Variants in PRLHR observed in about 807,000 individuals in gnomAD.
PRLHR encodes the protein prolactin releasing hormone receptor, also known as prolactin-releasing peptide receptor.
Under a neutral mutation model 9.3 loss-of-function variants are expected in PRLHR, and 10 were observed. The ratio of observed to expected loss-of-function variants is 1.08; its 90% confidence interval spans 0.66 to 1.82. The LOEUF (loss-of-function observed/expected upper bound fraction) is 1.82. PRLHR is among the 40% of genes most tolerant of loss of function. The probability of loss-of-function intolerance (pLI) is 0.00; values close to 1 mark genes in which losing one functional copy is unlikely to be tolerated. For synonymous variants in PRLHR, 261 were observed against 249.3 expected, an observed-to-expected ratio of 1.05 and a Z score of -0.44; for missense variants, 589 against 512.0, an observed-to-expected ratio of 1.15 and a Z score of -1.45.
chr10:118,594,663 G>T lies in PRLHR; in HGVS notation c.582C>A (p.Ala194=). The stretch of plus-strand genomic sequence containing the variant: ...GCTCCACGTGATAGGTGTGCACGGC[G>T]GCGGGCAGCGCCAGCACCGCGGACA... The part of the protein sequence containing the change: ...WALSAVLALP[A]AVHTYHVELK... Residue 194 remains alanine (A), a synonymous_variant, in exon 2 of 2, where the codon GCC becomes GCA. Coordinates refer to ENST00000239032, the MANE Select transcript of PRLHR (RefSeq NM_004248.3). 6.3e-7 allele frequency: 1 copy of T among 1,585,080 alleles called. No individual in the cohort carries two copies. The highest frequency in any genetic ancestry group is 8.6e-7 in the Non-Finnish European group (1 of 1,168,668).
In PRLHR at chr10:118,590,928, G is replaced by A; in HGVS notation, c.*3204C>T. The A allele has an allele frequency of 6.6e-6, 1 of 152,172 alleles. No individual in the cohort carries two copies. The highest frequency in any genetic ancestry group is 1.5e-5 in the Non-Finnish European group (1 of 68,030). The allele number at this position is 152,172 out of a possible 1,614,324, so 9.4% of individuals were successfully genotyped here. A position where few individuals can be genotyped will look rare whatever the true frequency, so the allele number is the denominator to read the frequency against. ...GTCCATGTAAGTGTTTCAAACTTAA[G>A]TTGTAGGCATGACAGAAACCAGTGG... is the stretch of plus-strand genomic sequence containing the variant. On this transcript the variant is annotated 3_prime_UTR_variant, in exon 2 of 2. Transcript: ENST00000239032.
chr10:118,594,560 GC>G lies in PRLHR; in HGVS notation c.684del (p.Leu229CysfsTer22). 2 of 1,562,068 alleles carry G rather than the reference GC, an allele frequency of 1.3e-6. No individual in the cohort carries two copies. Among genetic ancestry groups the G allele is most frequent in the Admixed American group, 1.9e-5 (1 of 53,012 alleles). ...GGGAGCAGGTAGGTGACCAGCAGCA[GC>G]CCCCAGGCGTAGAGCTGGCGCTGGC... ...QERQRQLYAW[G>X]LLLVTYLLPL... is the part of the protein sequence containing the mutation. On this transcript the variant is annotated frameshift_variant, in exon 2 of 2. Coordinates refer to ENST00000239032, the MANE Select transcript of PRLHR (RefSeq NM_004248.3). LOFTEE classifies it low-confidence loss of function (END_TRUNC).
At position 118,591,198 on chromosome 10, in the gene PRLHR, C is replaced by A. The variant is rs1319056750; in HGVS notation, c.*2934G>T. 1 of 152,084 alleles carries A rather than the reference C, an allele frequency of 6.6e-6. No homozygotes were observed. The highest frequency in any genetic ancestry group is 1.5e-5 in the Non-Finnish European group (1 of 68,016). 9.4% of individuals were successfully genotyped at this position (152,084 alleles called of 1,614,324 possible). On this transcript the variant is annotated 3_prime_UTR_variant, in exon 2 of 2. Transcript: ENST00000239032. ...TAGCTCACTGCAGCCCAGTGATCCT[C>A]CCAGGCTCAAGTGATCCTCCTGCCT... is the stretch of plus-strand genomic sequence containing the variant.
At position 118,594,682 on chromosome 10, in the gene PRLHR, G is replaced by T; in HGVS notation, c.563C>A (p.Ala188Glu). 1 of 1,587,552 alleles carries T rather than the reference G, an allele frequency of 6.3e-7. No homozygotes were observed. Residue 188 changes from alanine (A) to glutamate (E), a missense_variant, in exon 2 of 2, where the codon GCG becomes GAG. Transcript: ENST00000239032. ...YAVLAIWALS[A>E]VLALPAAVHT... ...CACGGCGGCGGGCAGCGCCAGCACCGCGGACAGCGCCCAGATGGCCAGCAC... is the reference window on the plus strand; with the variant it reads ...CACGGCGGCGGGCAGCGCCAGCACCTCGGACAGCGCCCAGATGGCCAGCAC...
rs538116106 is a variant in PRLHR, at chr10:118,591,922, C to T, written c.*2210G>A. 7.2e-5 allele frequency: 11 copies of T among 152,256 alleles called. No homozygotes were observed. The highest frequency in any genetic ancestry group is 2.6e-4 in the African/African-American group (11 of 41,544). The allele number at this position is 152,256 out of a possible 1,614,324, so 9.4% of individuals were successfully genotyped here. ...ACGTTGGCCAGGCTGGTCTCAAACT[C>T]CTGACCTTGTGATCTGCCTGCCTCG... is the stretch of plus-strand genomic sequence containing the variant. On this transcript the variant is annotated 3_prime_UTR_variant, in exon 2 of 2. Transcript: ENST00000239032.
In PRLHR at chr10:118,595,281, C is replaced by G. The variant is rs8192520; in HGVS notation, c.-6-31G>C. ...CAAAGGTAATCAAAGTCCGTCACTT[C>G]CCTTGCCATACTCCATCCGACCTCC... On this transcript the variant is annotated intron_variant, in intron 1 of 1. Transcript: ENST00000239032. 16,883 of 1,489,938 alleles carry G rather than the reference C, an allele frequency of 0.011. 130 individuals carry two copies. Among genetic ancestry groups the G allele is most frequent in the Non-Finnish European group, 0.012 (13,968 of 1,123,352 alleles). 92.3% of individuals were successfully genotyped at this position (1,489,938 alleles called of 1,614,324 possible). A position where few individuals can be genotyped will look rare whatever the true frequency, so the allele number is the denominator to read the frequency against.
At position 118,594,836 on chromosome 10, in the gene PRLHR, C is replaced by T; in HGVS notation, c.409G>A (p.Val137Ile). 6.2e-7 allele frequency: 1 copy of T among 1,613,096 alleles called. No individual in the cohort carries two copies. Among genetic ancestry groups the T allele is most frequent in the South Asian group, 1.1e-5 (1 of 91,082 alleles). ...WVFGGGLCHL[V>I]FFLQPVTVYV... ...ACGGTGACCGGCTGCAGGAAGAAGA[C>T]CAGGTGGCACAGGCCGCCGCCGAAC... Residue 137 changes from valine (V) to isoleucine (I), a missense_variant, in exon 2 of 2, where the codon GTC becomes ATC. Transcript: ENST00000239032.
At position 118,594,910 on chromosome 10, in the gene PRLHR, G is replaced by T; in HGVS notation, c.335C>A (p.Ala112Asp). Reference protein sequence around the residue: ...LALSDVLMCTACVPLTLAYAF... With the variant: ...LALSDVLMCTDCVPLTLAYAF... ...ATAGGCCAGCGTGAGCGGCACGCAGGCGGTGCACATGAGCACGTCGGACAA... is the reference window on the plus strand; with the variant it reads ...ATAGGCCAGCGTGAGCGGCACGCAGTCGGTGCACATGAGCACGTCGGACAA... Residue 112 changes from alanine (A) to aspartate (D), a missense_variant, in exon 2 of 2, where the codon GCC becomes GAC. Coordinates refer to ENST00000239032, the MANE Select transcript of PRLHR (RefSeq NM_004248.3). 1.9e-6 allele frequency: 3 copies of T among 1,613,524 alleles called. No homozygotes were observed. The highest frequency in any genetic ancestry group is 2.5e-6 in the Non-Finnish European group (3 of 1,179,884).
In PRLHR at chr10:118,592,728, G is replaced by T. The variant is rs1051578373; in HGVS notation, c.*1404C>A. ...CCTTTTAGGGCACATTTTAATGAATGAATTGAGCTTATTTCTGAATAAGAG... is the reference window on the plus strand; with the variant it reads ...CCTTTTAGGGCACATTTTAATGAATTAATTGAGCTTATTTCTGAATAAGAG... On this transcript the variant is annotated 3_prime_UTR_variant, in exon 2 of 2. Transcript: ENST00000239032. 1 of 152,186 alleles carries T rather than the reference G, an allele frequency of 6.6e-6. No homozygotes were observed. The highest frequency in any genetic ancestry group is 2.4e-5 in the African/African-American group (1 of 41,420). The allele number at this position is 152,186 out of a possible 1,614,324, so 9.4% of individuals were successfully genotyped here. A position where few individuals can be genotyped will look rare whatever the true frequency, so the allele number is the denominator to read the frequency against.
chr10:118,594,799 A>G lies in PRLHR; in HGVS notation c.446T>C (p.Val149Ala). Residue 149 changes from valine to alanine, a missense_variant, in exon 2 of 2, where the codon GTG becomes GCG. Val to Ala is a moderately conservative substitution (Grantham distance 64). Transcript: ENST00000239032. The part of the protein sequence containing the change: ...FLQPVTVYVS[V>A]FTLTTIAVDR... ...CACTGCGATGGTGGTGAGCGTGAAC[A>G]CCGACACATAGACGGTGACCGGCTG... 1 of 1,612,408 alleles carries G rather than the reference A, an allele frequency of 6.2e-7. No individual in the cohort carries two copies. The highest frequency in any genetic ancestry group is 8.5e-7 in the Non-Finnish European group (1 of 1,179,858).
chr10:118,592,123 T>C lies in PRLHR; in HGVS notation c.*2009A>G, dbSNP rs1446444661. The C allele has an allele frequency of 6.7e-6, 1 of 148,884 alleles. No homozygotes were observed. The highest frequency in any genetic ancestry group is 1.5e-5 in the Non-Finnish European group (1 of 67,390). The allele number at this position is 148,884 out of a possible 1,614,324, so 9.2% of individuals were successfully genotyped here. A position where few individuals can be genotyped will look rare whatever the true frequency, so the allele number is the denominator to read the frequency against. On this transcript the variant is annotated 3_prime_UTR_variant, in exon 2 of 2. Coordinates refer to ENST00000239032, the MANE Select transcript of PRLHR (RefSeq NM_004248.3). ...GACTCTTGGGAGGAGAGCCCAGACA[T>C]CAATTACAAAAAGAAAAAAAAGTTC...
Position 118,590,013 on chromosome 10 carries a change from A to G in PRLHR, c.*4119T>C, listed in dbSNP as rs1375645297. 6.6e-6 allele frequency: 1 copy of G among 152,234 alleles called. No homozygotes were observed. The highest frequency in any genetic ancestry group is 1.5e-5 in the Non-Finnish European group (1 of 68,032). The allele number at this position is 152,234 out of a possible 1,614,324, so 9.4% of individuals were successfully genotyped here. A position where few individuals can be genotyped will look rare whatever the true frequency, so the allele number is the denominator to read the frequency against. ...AGACTGTGCAACTGATTTAGTATTT[A>G]TTGAGCTCCCACAACATGCCAAACA... On this transcript the variant is annotated 3_prime_UTR_variant, in exon 2 of 2. Coordinates refer to ENST00000239032, the MANE Select transcript of PRLHR (RefSeq NM_004248.3).
Position 118,594,331 on chromosome 10 carries a change from G to T in PRLHR, c.914C>A (p.Pro305His). Residue 305 changes from proline to histidine, a missense_variant, in exon 2 of 2, where the codon CCC (proline) becomes CAC (histidine). Transcript: ENST00000239032. ...HVFNLLRDLD[P>H]HAIDPYAFGL... ...AAAGGCGTAAGGGTCGATGGCGTGG[G>T]GGTCGAGGTCCCGCAGCAGGTTGAA... 1 of 1,600,754 alleles carries T rather than the reference G, an allele frequency of 6.2e-7. No individual in the cohort carries two copies. Among genetic ancestry groups the T allele is most frequent in the Non-Finnish European group, 8.5e-7 (1 of 1,178,298 alleles).
In PRLHR at chr10:118,592,834, A is replaced by G. The variant is rs576538447; in HGVS notation, c.*1298T>C. 4.7e-4 allele frequency: 72 copies of G among 152,346 alleles called. No individual in the cohort carries two copies. Among genetic ancestry groups the G allele is most frequent in the African/African-American group, 1.7e-3 (69 of 41,584 alleles). 9.4% of individuals were successfully genotyped at this position (152,346 alleles called of 1,614,324 possible). On this transcript the variant is annotated 3_prime_UTR_variant, in exon 2 of 2. Transcript: ENST00000239032. ...GAACCCTACAGATGGTGACTGAGTT[A>G]CTGGGAACACAGAGGCTGATCTGAC...
Position 118,592,987 on chromosome 10 carries a change from A to G in PRLHR, c.*1145T>C, listed in dbSNP as rs1844446856. 6.6e-6 allele frequency: 1 copy of G among 152,210 alleles called. No individual in the cohort carries two copies. The highest frequency in any genetic ancestry group is 2.4e-5 in the African/African-American group (1 of 41,442). 9.4% of individuals were successfully genotyped at this position (152,210 alleles called of 1,614,324 possible). A position where few individuals can be genotyped will look rare whatever the true frequency, so the allele number is the denominator to read the frequency against. On this transcript the variant is annotated 3_prime_UTR_variant, in exon 2 of 2. Coordinates refer to ENST00000239032, the MANE Select transcript of PRLHR (RefSeq NM_004248.3). Reference sequence around the variant, plus strand: ...ACAGAACTCACAGGAGGTTAAGGTGATGATTATCAGCCTGGTATCATGCTC... The same window carrying G: ...ACAGAACTCACAGGAGGTTAAGGTGGTGATTATCAGCCTGGTATCATGCTC...
intron 1 of PRLHR, 70 bp from the exon 2 acceptor site, chr10:118,595,320 C>T: frequency 7.2e-7 from 1 of 1,392,742 alleles, no homozygotes; most frequent in African/African-American, 1.4e-5. Context: ...ACCAGCCGCG[C>T]CCCTCCCCCA....
chr10:118,593,998 G>C lies in PRLHR; in HGVS notation c.*134C>G, dbSNP rs1844455319. ...ACAAGACAGACAGCCGGACAAGAGG[G>C]CTGGGCTGGAAATGTTGCCCTATGT... On this transcript the variant is annotated 3_prime_UTR_variant, in exon 2 of 2. Coordinates refer to ENST00000239032, the MANE Select transcript of PRLHR (RefSeq NM_004248.3). 1.5e-6 allele frequency: 2 copies of C among 1,345,646 alleles called. No individual in the cohort carries two copies. The highest frequency in any genetic ancestry group is 2.9e-5 in the African/African-American group (2 of 68,480). The allele number at this position is 1,345,646 out of a possible 1,614,324, so 83.4% of individuals were successfully genotyped here.
rs1309732323 is a variant in PRLHR, at chr10:118,590,572, T to C, written c.*3560A>G. 1 of 152,240 alleles carries C rather than the reference T, an allele frequency of 6.6e-6. No homozygotes were observed. The highest frequency in any genetic ancestry group is 2.4e-5 in the African/African-American group (1 of 41,458). The allele number at this position is 152,240 out of a possible 1,614,324, so 9.4% of individuals were successfully genotyped here. A position where few individuals can be genotyped will look rare whatever the true frequency, so the allele number is the denominator to read the frequency against. On this transcript the variant is annotated 3_prime_UTR_variant, in exon 2 of 2. Transcript: ENST00000239032. ...GGATTACAGAACCTCCCATCAGCCT[T>C]GAGAAGGGCTGCTGCCAAGTACCAA...
rs1284601310 is a variant in PRLHR, at chr10:118,594,695, A to G, written c.550T>C (p.Trp184Arg). The G allele has an allele frequency of 5.0e-6, 8 of 1,592,016 alleles. No homozygotes were observed. The highest frequency in any genetic ancestry group is 4.5e-5 in the South Asian group (4 of 89,838). Reference sequence around the variant, plus strand: ...AGCGCCAGCACCGCGGACAGCGCCCAGATGGCCAGCACAGCGTAGGCGCTG... The same window carrying G: ...AGCGCCAGCACCGCGGACAGCGCCCGGATGGCCAGCACAGCGTAGGCGCTG... ...RLSAYAVLAIWALSAVLALPA... is the reference protein window; with the variant it reads ...RLSAYAVLAIRALSAVLALPA... The change falls in exon 2 of 2, where the codon TGG becomes CGG. Residue 184 changes from tryptophan (W) to arginine (R), a missense_variant. Coordinates refer to ENST00000239032, the MANE Select transcript of PRLHR (RefSeq NM_004248.3).
Sources: gnomAD v4.1 joint callset for allele counts on GRCh38, gnomAD v4.1.1 for gene constraint, MANE v1.5 for transcripts, NCBI Gene and HGNC (gene_info 2026-07-23, HGNC 2026-07-21) for gene names.